FARP1: variants seen among roughly 807,000 people sequenced by gnomAD.
The protein encoded by FARP1 is FERM, ARH/RhoGEF and pleckstrin domain protein 1.
A neutral mutation model predicts 128.8 loss-of-function variants in FARP1; 52 were observed. The ratio of observed to expected loss-of-function variants is 0.40; its 90% CI spans 0.32 to 0.51. FARP1 has a LOEUF of 0.51. Among genes scored for constraint, FARP1 ranks in the 20% least tolerant of loss-of-function variants. The pLI is 0.45. For missense variants in FARP1, 1,333 were observed against 1,367.9 expected (o/e 0.97, Z 0.40); for synonymous variants, 580 against 551.8 (o/e 1.05, Z -0.72).
At chr13:98,328,113 T>C (rs11069304) in intron 2 of FARP1, 22,813 of 152,182 alleles carry the variant, frequency 0.15, 2,009 homozygotes, top group East Asian at 0.31. Context: ...CCCCACAGGC[T>C]GGTGGAATGC....
At chr13:98,352,170 A>G (rs1013511794) in intron 3 of FARP1, among the ~76,000 whole-genome samples, 1 of 152,106 alleles carries the variant, frequency 6.6e-6, no homozygotes, top group African/African-American at 2.4e-5. Flanking sequence ...CCTAGATCCC[A>G]AAGAACAAGC....
intron 2 of FARP1, among the ~76,000 whole-genome samples, chr13:98,267,006 C>T (rs1884149255): frequency 7.7e-6 from 1 of 129,390 alleles, no homozygotes; most frequent in Non-Finnish European, 1.6e-5. Context: ...GGTCAAGACT[C>T]CCATCTCAAA....
chr13:98,261,276 G>A (rs1279955057), intron 2 of FARP1, among the ~76,000 whole-genome samples: 1 of 152,180 alleles, frequency 6.6e-6, no homozygotes, highest in Non-Finnish European at 1.5e-5. Context: ...TCATGTGTGG[G>A]CGACCCCTGG....
At chr13:98,418,648 C>T (rs1891478755) in intron 16 of FARP1, among the ~76,000 whole-genome samples, 1 of 152,200 alleles carries the variant, frequency 6.6e-6, no homozygotes, top group African/African-American at 2.4e-5. Flanking sequence ...CTATATAGCT[C>T]ACAGTGCTTT....
At chr13:98,250,159 A>C (rs1219061886) in intron 2 of FARP1, among the ~76,000 whole-genome samples, 1 of 152,206 alleles carries the variant, frequency 6.6e-6, no homozygotes, top group African/African-American at 2.4e-5. Flanking sequence ...AAACACAGAC[A>C]CTTTGAAAAG....
chr13:98,342,752 C>T (rs760722914), intron 2 of FARP1, among the ~76,000 whole-genome samples: 3 of 151,278 alleles, frequency 2.0e-5, no homozygotes, highest in Non-Finnish European at 2.9e-5. Flanking sequence ...GGGCAGGGCA[C>T]AGTGGCTCAT....
chr13:98,277,268 A>G (rs1177534520), intron 2 of FARP1, among the ~76,000 whole-genome samples: 6 of 152,054 alleles, frequency 3.9e-5, no homozygotes, highest in Non-Finnish European at 8.8e-5. Context: ...TCCTCTGGCC[A>G]TGGCCTCGCG....
chr13:98,414,634 G>T (rs779546278), intron 16 of FARP1, among the ~76,000 whole-genome samples: 1 of 152,192 alleles, frequency 6.6e-6, no homozygotes, highest in Non-Finnish European at 1.5e-5. Context: ...TAGAACCAAT[G>T]CATTCGTAGG....
chr13:98,414,100 G>A (rs1321266866), intron 16 of FARP1, among the ~76,000 whole-genome samples: 1 of 152,180 alleles, frequency 6.6e-6, no homozygotes, highest in Non-Finnish European at 1.5e-5. Flanking sequence ...AATGCCGTAC[G>A]CGTGGATCTT....
chr13:98,269,459 AT>A (rs1884286365), intron 2 of FARP1, among the ~76,000 whole-genome samples: 1 of 152,216 alleles, frequency 6.6e-6, no homozygotes, highest in African/African-American at 2.4e-5. Flanking sequence ...TAGTGCTTAC[AT>A]TCGTGTACTG....
chr13:98,419,242 G>T (rs1237776988), intron 16 of FARP1, among the ~76,000 whole-genome samples: 1 of 152,156 alleles, frequency 6.6e-6, no homozygotes, highest in Admixed American at 6.5e-5. Context: ...GGGAGGCCGA[G>T]GTGGGTGGAT....
At chr13:98,314,052 C>G (rs1452979900) in intron 2 of FARP1, among the ~76,000 whole-genome samples, 1 of 152,156 alleles carries the variant, frequency 6.6e-6, no homozygotes, top group African/African-American at 2.4e-5. Flanking sequence ...GAGCTGGGTC[C>G]AAGCTCAGGC....
chr13:98,202,175 C>T (rs1264147697), intron 1 of FARP1, among the ~76,000 whole-genome samples: 3 of 152,212 alleles, frequency 2.0e-5, no homozygotes, highest in Admixed American at 1.3e-4. Context: ...GGGGCCAGCT[C>T]CTGGCGTGTG....
chr13:98,231,425 A>G (rs1469731497), intron 2 of FARP1, among the ~76,000 whole-genome samples: 1 of 151,556 alleles, frequency 6.6e-6, no homozygotes, highest in East Asian at 1.9e-4. Context: ...TCTATTTTCT[A>G]TTTCTTATTT....
intron 1 of FARP1, among the ~76,000 whole-genome samples, chr13:98,153,750 G>A (rs1594205979): frequency 6.6e-6 from 1 of 151,466 alleles, no homozygotes; most frequent in Non-Finnish European, 1.5e-5. Flanking sequence ...TTTTAGTAGA[G>A]ACGGGCTTTC....
rs944169947 is a variant in FARP1, at chr13:98,452,708, G to A, written c.*4391G>A. ...TACACAGTGATTCCTTATGCACGCC[G>A]AAAGGGTTTCCGTAAAAATGACATT... On this transcript the variant is annotated 3_prime_UTR_variant, in exon 27 of 27. Transcript: ENST00000319562. 5 of 155,620 alleles carry A rather than the reference G, an allele frequency of 3.2e-5. No homozygotes were observed. The highest frequency in any genetic ancestry group is 2.0e-4 in the South Asian group (1 of 5,034). 9.6% of individuals were successfully genotyped at this position (155,620 alleles called of 1,614,324 possible).
intron 1 of FARP1, among the ~76,000 whole-genome samples, chr13:98,182,593 C>A (rs558488938): frequency 2.9e-4 from 44 of 152,360 alleles, no homozygotes; most frequent in African/African-American, 9.9e-4. Context: ...TTCCAAAGTG[C>A]TGGGATTACA....
chr13:98,214,232 C>T (rs953328704), intron 2 of FARP1, among the ~76,000 whole-genome samples: 2 of 152,230 alleles, frequency 1.3e-5, no homozygotes, highest in Non-Finnish European at 2.9e-5. Context: ...CTGCTTCGTG[C>T]AGCTGGTGCA....
chr13:98,287,872 G>A (rs1232985205), intron 2 of FARP1, among the ~76,000 whole-genome samples: 2 of 148,554 alleles, frequency 1.3e-5, no homozygotes, highest in Non-Finnish European at 3.0e-5. Context: ...CACGGTCTCG[G>A]CTCACTGCAA....
Sources: gnomAD v4.1 joint callset for allele counts (sites outside exome capture counted in the v4.1 genomes callset) on GRCh38, gnomAD v4.1.1 for gene constraint, MANE v1.5 for transcripts, NCBI Gene and HGNC (gene_info 2026-07-23, HGNC 2026-07-21) for gene names.